The following APP variants were observed in gnomAD, a reference collection of about 807,000 sequenced individuals.
APP encodes the protein amyloid beta precursor protein, also known as amyloid-beta precursor protein.
A neutral mutation model predicts 101.4 loss-of-function variants in APP; 31 were observed. That is an observed-to-expected ratio of 0.31 (90% CI 0.23 to 0.41). APP has a LOEUF of 0.41. APP is among the 10% of genes least tolerant of loss of function. APP has a pLI of 1.00. For synonymous variants in APP, 366 were observed against 364.4 expected, an observed-to-expected ratio of 1.00 and a Z score of -0.05; for missense variants, 839 against 1,003.7, an observed-to-expected ratio of 0.84 and a Z score of 2.22.
At chr21:26,038,076 A>C (rs2045201355) in intron 5 of APP, among the ~76,000 whole-genome samples, 1 of 152,164 alleles carries the variant, frequency 6.6e-6, no homozygotes, top group Non-Finnish European at 1.5e-5. Flanking sequence ...TAAAATGTCC[A>C]AAACAGCCCA....
At chr21:26,166,871 T>TGAGAGAGAGTGA (rs1183041320) in intron 1 of APP, among the ~76,000 whole-genome samples, 92 of 135,282 alleles carry the variant, frequency 6.8e-4, no homozygotes, top group Non-Finnish European at 1.1e-3. Context: ...GTCACTCAAG[T>TGAGAGAGAGTGA]GAGAGAGAGA....
intron 11 of APP, among the ~76,000 whole-genome samples, chr21:25,958,456 T>G (rs1247736752): frequency 6.6e-6 from 1 of 152,146 alleles, no homozygotes; most frequent in Non-Finnish European, 1.5e-5. Flanking sequence ...TTTTTGTATT[T>G]TTAGTAGAGA....
intron 3 of APP, among the ~76,000 whole-genome samples, chr21:26,080,293 C>T (rs2061571326): frequency 6.6e-6 from 1 of 152,156 alleles, no homozygotes; most frequent in African/African-American, 2.4e-5. Context: ...CTACAACACA[C>T]ATATAATTAG....
At chr21:25,912,044 C>A in intron 13 of APP, 82 bp from the exon 14 acceptor site, 1 of 1,077,816 alleles carries the variant, frequency 9.3e-7, no homozygotes, top group East Asian at 2.4e-5. Flanking sequence ...TTACTTCTGC[C>A]AGGCAAGACT....
At position 26,088,639 on chromosome 21, in the gene APP, T is replaced by C. The variant is rs531150215; in HGVS notation, c.355+1304A>G. ...AAGTGAGTATAAAATACACAGTTCC[T>C]GGGGACAGATGACTTCTATATTTTT... is the stretch of plus-strand genomic sequence containing the variant. On this transcript the variant is annotated intron_variant, in intron 3 of 17. Coordinates refer to ENST00000346798, the MANE Select transcript of APP (RefSeq NM_000484.4). 1.2e-4 allele frequency among the ~76,000 whole-genome samples: 18 copies of C among 152,298 alleles called. No individual in the cohort carries two copies. The East Asian group carries it at 3.5e-3, about 29-fold the overall frequency.
At chr21:26,015,433 A>C (rs2044010803) in intron 6 of APP, among the ~76,000 whole-genome samples, 1 of 152,220 alleles carries the variant, frequency 6.6e-6, no homozygotes. Flanking sequence ...TGAGGATTCA[A>C]GGTTATTTGA....
At chr21:26,163,274 A>C (rs886190624) in intron 1 of APP, among the ~76,000 whole-genome samples, 2 of 151,060 alleles carry the variant, frequency 1.3e-5, no homozygotes, top group Non-Finnish European at 3.0e-5. Flanking sequence ...AAAAATCACC[A>C]AAAAACAAAA....
intron 11 of APP, among the ~76,000 whole-genome samples, chr21:25,974,509 A>T (rs1182077196): frequency 2.0e-5 from 3 of 152,184 alleles, no homozygotes; most frequent in Non-Finnish European, 4.4e-5. Context: ...CCATATGAGG[A>T]TACAGCAAAA....
At chr21:25,902,193 T>A (rs73899705) in intron 15 of APP, among the ~76,000 whole-genome samples, 2,632 of 152,282 alleles carry the variant, frequency 0.017, 83 homozygotes, top group African/African-American at 0.06. Context: ...AACCTTTTTT[T>A]AACTTGTTTC....
At chr21:25,907,264 T>C (rs1468321141) in intron 14 of APP, among the ~76,000 whole-genome samples, 1 of 152,334 alleles carries the variant, frequency 6.6e-6, no homozygotes, top group East Asian at 1.9e-4. Flanking sequence ...CTAATCTGCT[T>C]TAAAAGATTG....
At chr21:26,128,810 G>A (rs2062734287) in intron 1 of APP, among the ~76,000 whole-genome samples, 1 of 152,098 alleles carries the variant, frequency 6.6e-6, no homozygotes, top group South Asian at 2.1e-4. Context: ...CACTTCCATT[G>A]TGACACATTT....
intron 13 of APP, among the ~76,000 whole-genome samples, chr21:25,951,163 C>CATG (rs2041059225): frequency 1.3e-5 from 2 of 152,196 alleles, no homozygotes; most frequent in Non-Finnish European, 2.9e-5. Context: ...AACTCACAAG[C>CATG]ATGATGAACC....
intron 1 of APP, among the ~76,000 whole-genome samples, chr21:26,137,513 G>C (rs1046673448): frequency 2.0e-5 from 3 of 152,224 alleles, no homozygotes; most frequent in Admixed American, 2.0e-4. Context: ...AGTGGGTTGG[G>C]AGTGGATCAA....
rs956594965 is a variant in APP at position 26,003,040 on chromosome 21, C to T, written c.866-2858G>A. Among the ~76,000 whole-genome samples the T allele has an allele frequency of 3.9e-5, 6 of 152,278 alleles. No homozygotes were observed. The East Asian group carries it at 9.7e-4, about 25-fold the overall frequency. ...TTACTTATGATAAAGGCACAATCTC[C>T]CCAGTCCAGAATCTAAATGGCATTA... is the stretch of plus-strand genomic sequence containing the variant. On this transcript the variant is annotated intron_variant, in intron 6 of 17. Coordinates refer to ENST00000346798, the MANE Select transcript of APP (RefSeq NM_000484.4).
At chr21:26,042,401 T>C (rs1168166295) in intron 5 of APP, among the ~76,000 whole-genome samples, 4 of 152,222 alleles carry the variant, frequency 2.6e-5, no homozygotes, top group Admixed American at 6.5e-5. Context: ...TATTACATGA[T>C]TGAATGACAA....
rs1188896354 is a variant in APP, at chr21:25,917,643, T to C, written c.1688-5681A>G. Among the ~76,000 whole-genome samples the C allele has an allele frequency of 7.9e-5, 12 of 152,334 alleles. No individual in the cohort carries two copies. The East Asian group carries it at 2.3e-3, about 29-fold the overall frequency. Reference sequence around the variant, plus strand: ...TGTTACAAGTGTCAGTTATAATTACTGAACAGCTTCTTCCATCCACTGAAC... The same window carrying C: ...TGTTACAAGTGTCAGTTATAATTACCGAACAGCTTCTTCCATCCACTGAAC... On this transcript the variant is annotated intron_variant, in intron 13 of 17. Transcript: ENST00000346798.
chr21:25,944,713 C>A (rs1254781985), intron 13 of APP, among the ~76,000 whole-genome samples: 1 of 152,000 alleles, frequency 6.6e-6, no homozygotes, highest in Non-Finnish European at 1.5e-5. Context: ...ATTTTTTTCC[C>A]CTCCTCTTTT....
intron 17 of APP, among the ~76,000 whole-genome samples, chr21:25,888,236 AGT>A (rs1282804300): frequency 6.6e-6 from 1 of 152,132 alleles, no homozygotes; most frequent in Non-Finnish European, 1.5e-5. Flanking sequence ...TGAGGGTGAG[AGT>A]GCCTGTTAAG....
At chr21:26,084,337 C>T (rs2061661080) in intron 3 of APP, among the ~76,000 whole-genome samples, 1 of 145,306 alleles carries the variant, frequency 6.9e-6, no homozygotes, top group African/African-American at 2.5e-5. Context: ...CTCCCGGGTT[C>T]ACGCCATTCT....
Sources: gnomAD v4.1 joint callset for allele counts (sites outside exome capture counted in the v4.1 genomes callset) on GRCh38, gnomAD v4.1.1 for gene constraint, MANE v1.5 for transcripts, NCBI Gene and HGNC (gene_info 2026-07-23, HGNC 2026-07-21) for gene names.